BCAS4: variants seen among roughly 807,000 people sequenced by gnomAD.
BCAS4 encodes breast carcinoma amplified sequence 4, also known as breast carcinoma-amplified sequence 4.
BCAS4 carries 9 observed loss-of-function variants against 15.7 expected under a neutral mutation model. The observed-to-expected ratio is 0.57, with a 90% CI of 0.34 to 1.00. The LOEUF (loss-of-function observed/expected upper bound fraction) is 1.00, where lower values mean the gene tolerates loss of function less well. Ranked by LOEUF, BCAS4 falls within the 50% of genes least tolerant of loss-of-function variation. The pLI is 0.02. For synonymous variants in BCAS4, 101 were observed against 99.5 expected (o/e 1.02, Z -0.09); for missense variants, 225 against 239.1 (o/e 0.94, Z 0.39).
intron 4 of BCAS4, among the ~76,000 whole-genome samples, chr20:50,845,872 C>A (rs575599232): frequency 2.6e-5 from 4 of 152,234 alleles, no homozygotes; most frequent in Admixed American, 6.5e-5. Context: ...AGAGGCGCAG[C>A]CCCCAGAGAG....
At chr20:50,838,787 C>T (rs572350030) in intron 3 of BCAS4, among the ~76,000 whole-genome samples, 3 of 152,020 alleles carry the variant, frequency 2.0e-5, no homozygotes, top group African/African-American at 7.2e-5. Context: ...GAGGTTGCAG[C>T]GGGCCAAGAT....
At chr20:50,829,511 G>A (rs1399776486) in intron 2 of BCAS4, among the ~76,000 whole-genome samples, 1 of 152,042 alleles carries the variant, frequency 6.6e-6, no homozygotes, top group African/African-American at 2.4e-5. Context: ...CCAAAGTATT[G>A]GGATTACAGG....
intron 4 of BCAS4, among the ~76,000 whole-genome samples, chr20:50,845,781 G>T (rs758057974): frequency 2.0e-5 from 3 of 152,254 alleles, no homozygotes; most frequent in Non-Finnish European, 4.4e-5. Flanking sequence ...AGAGGGCTGA[G>T]GTGGGACAAG....
At chr20:50,828,463 T>G (rs1242448064) in intron 2 of BCAS4, among the ~76,000 whole-genome samples, 3 of 152,034 alleles carry the variant, frequency 2.0e-5, no homozygotes, top group African/African-American at 4.8e-5. Flanking sequence ...AAAACAGGTA[T>G]AGTTTTCAAA....
downstream of BCAS4, chr20:50,877,575 C>G (rs904492817): frequency 6.6e-6 from 1 of 152,268 alleles, no homozygotes; most frequent in South Asian, 2.1e-4. Flanking sequence ...TCAAGATAAT[C>G]TGCCTGGGCA....
intron 4 of BCAS4, among the ~76,000 whole-genome samples, chr20:50,845,634 G>T (rs1235503276): frequency 6.6e-6 from 1 of 152,178 alleles, no homozygotes; most frequent in Non-Finnish European, 1.5e-5. Flanking sequence ...GGTGTTTGAG[G>T]CCTCCCCCGA....
chr20:50,812,125 C>T (rs2088072215), intron 1 of BCAS4, among the ~76,000 whole-genome samples: 1 of 151,874 alleles, frequency 6.6e-6, no homozygotes, highest in South Asian at 2.1e-4. Flanking sequence ...TGGGTCGTGT[C>T]TACTTTTTAT....
chr20:50,878,742 C>G (rs1255145594), downstream of BCAS4: 4 of 152,196 alleles, frequency 2.6e-5, no homozygotes, highest in African/African-American at 7.2e-5. Context: ...TCAGGGGACC[C>G]TCCTGTTTCG....
At chr20:50,795,712 G>A (rs2087847489) in intron 1 of BCAS4, among the ~76,000 whole-genome samples, 1 of 152,254 alleles carries the variant, frequency 6.6e-6, no homozygotes, top group Admixed American at 6.5e-5. Flanking sequence ...ATTTGTCTGA[G>A]TTCACTAGGA....
chr20:50,877,727 C>G (rs1275230268), downstream of BCAS4: 1 of 152,212 alleles, frequency 6.6e-6, no homozygotes, highest in Non-Finnish European at 1.5e-5. Context: ...GTCCCCCACA[C>G]CCCAAAAAAG....
chr20:50,877,286 C>G (rs1010645198), downstream of BCAS4: 1 of 152,330 alleles, frequency 6.6e-6, no homozygotes, highest in Non-Finnish European at 1.5e-5. Flanking sequence ...TGATCCTGGG[C>G]ACCTGCTGAT....
chr20:50,864,080 C>A lies in BCAS4; in HGVS notation c.400-12406C>A, dbSNP rs796603772. Among the ~76,000 whole-genome samples, 10 of 152,318 alleles carry A rather than the reference C, an allele frequency of 6.6e-5. No individual in the cohort carries two copies. The East Asian group carries it at 1.7e-3, about 26-fold the overall frequency. ...TCTGTGGCGCCTTCCTCGAGTCATC[C>A]TTTTGACTGATAGCACAGGATGAAG... On this transcript the variant is annotated intron_variant, in intron 4 of 4. Coordinates refer to ENST00000371608, the MANE Select transcript of BCAS4 (RefSeq NM_198799.4).
At chr20:50,841,091 A>G (rs2088475067) in intron 3 of BCAS4, among the ~76,000 whole-genome samples, 1 of 152,130 alleles carries the variant, frequency 6.6e-6, no homozygotes, top group Admixed American at 6.6e-5. Flanking sequence ...CAGCCTCCCA[A>G]AGTGCTGGGA....
chr20:50,866,112 C>CAG lies in BCAS4; in HGVS notation c.400-10374_400-10373insAG, dbSNP rs1568685020. Among the ~76,000 whole-genome samples the CAG allele has an allele frequency of 5.9e-5, 9 of 152,294 alleles. No homozygotes were observed. In the South Asian group the frequency reaches 1.9e-3, roughly 32 times the overall value. The stretch of plus-strand genomic sequence containing the variant: ...GGGACCCTGGGCACGTGGCCTAGCC[C>CAG]TGTTCTCTCCAAGCCCGCTTTCTCA... On this transcript the variant is annotated intron_variant, in intron 4 of 4. Coordinates refer to ENST00000371608, the MANE Select transcript of BCAS4 (RefSeq NM_198799.4).
Position 50,797,308 on chromosome 20 carries a change from G to T in BCAS4, c.90+2135G>T, listed in dbSNP as rs551147798. On this transcript the variant is annotated intron_variant, in intron 1 of 4. Transcript: ENST00000371608. ...TTCTGGATGTTAGATAGTTGTGTTG[G>T]TTGCACAAATTTGTGAATATACTGA... Among the ~76,000 whole-genome samples, 44 of 152,290 alleles carry T rather than the reference G, an allele frequency of 2.9e-4. No individual in the cohort carries two copies. The South Asian group carries it at 5.0e-3, about 17-fold the overall frequency.
chr20:50,871,773 T>A (rs990890835), intron 4 of BCAS4, among the ~76,000 whole-genome samples: 1 of 152,152 alleles, frequency 6.6e-6, no homozygotes, highest in Non-Finnish European at 1.5e-5. Flanking sequence ...CCCAGGAACC[T>A]CTGGGGAGAG....
At chr20:50,874,591 G>T (rs1197605488) in intron 4 of BCAS4, among the ~76,000 whole-genome samples, 1 of 152,218 alleles carries the variant, frequency 6.6e-6, no homozygotes, top group Non-Finnish European at 1.5e-5. Context: ...TCACAGCTGT[G>T]TCCTCAGTGC....
At chr20:50,823,075 C>T (rs2088236124) in intron 2 of BCAS4, among the ~76,000 whole-genome samples, 1 of 152,024 alleles carries the variant, frequency 6.6e-6, no homozygotes, top group Admixed American at 6.6e-5. Context: ...CGTGGTAGCT[C>T]ACGCCTGTAA....
intron 4 of BCAS4, among the ~76,000 whole-genome samples, chr20:50,871,543 C>G (rs540525691): frequency 6.6e-6 from 1 of 152,352 alleles, no homozygotes; most frequent in African/African-American, 2.4e-5. Flanking sequence ...TACAAGCAAC[C>G]CTGGTCAGTG....
Sources: gnomAD v4.1 joint callset for allele counts (sites outside exome capture counted in the v4.1 genomes callset) on GRCh38, gnomAD v4.1.1 for gene constraint, MANE v1.5 for transcripts, NCBI Gene and HGNC (gene_info 2026-07-23, HGNC 2026-07-21) for gene names.